The following LAMA2 variants were observed in gnomAD, a reference collection of about 807,000 sequenced individuals.
LAMA2 encodes laminin subunit alpha 2.
Under a neutral mutation model 364.8 loss-of-function variants are expected in LAMA2, and 269 were observed. The ratio of observed to expected loss-of-function variants is 0.74; its 90% CI spans 0.67 to 0.82. The LOEUF is 0.82. LAMA2 is among the 40% of genes least tolerant of loss of function. The pLI, the probability that LAMA2 is intolerant of heterozygous loss-of-function variation, is 0.00. For synonymous variants in LAMA2, 1,379 were observed against 1,370.6 expected (o/e 1.01, Z -0.14); for missense variants, 3,807 against 3,873.2 (o/e 0.98, Z 0.45).
chr6:129,357,811 C>A (rs777223549), intron 32 of LAMA2, among the ~76,000 whole-genome samples: 8 of 152,000 alleles, frequency 5.3e-5, no homozygotes, highest in East Asian at 3.9e-4. Context: ...CATTTATAAT[C>A]AAAAATGATT....
At chr6:129,215,080 A>G (rs1297494581) in intron 12 of LAMA2, among the ~76,000 whole-genome samples, 2 of 152,172 alleles carry the variant, frequency 1.3e-5, no homozygotes, top group Admixed American at 6.5e-5. Flanking sequence ...TTTCTTTGCT[A>G]ATATATAGGA....
At chr6:129,234,365 AGTT>A (rs1056507219) in intron 12 of LAMA2, among the ~76,000 whole-genome samples, 9 of 152,178 alleles carry the variant, frequency 5.9e-5, no homozygotes, top group Non-Finnish European at 2.9e-5. Flanking sequence ...CTTCCAATCT[AGTT>A]GTTGTTATAT....
chr6:129,490,359 C>T (rs371258980), intron 56 of LAMA2, among the ~76,000 whole-genome samples: 186 of 152,258 alleles, frequency 1.2e-3, no homozygotes, highest in African/African-American at 4.2e-3. Flanking sequence ...TATGTTCCTC[C>T]TGAAAGCCCA....
intron 32 of LAMA2, among the ~76,000 whole-genome samples, chr6:129,364,035 C>T (rs1777620379): frequency 2.0e-5 from 3 of 152,272 alleles, no homozygotes; most frequent in South Asian, 4.1e-4. Flanking sequence ...CCTCCAAAGC[C>T]TCTTTGTTCA....
At chr6:129,453,888 C>G (rs769204860) in intron 46 of LAMA2, among the ~76,000 whole-genome samples, 1 of 148,726 alleles carries the variant, frequency 6.7e-6, no homozygotes, top group Non-Finnish European at 1.5e-5. Context: ...GCTTTGGTCT[C>G]AAAATTAGAC....
intron 3 of LAMA2, among the ~76,000 whole-genome samples, chr6:129,084,117 T>C (rs1237548136): frequency 6.6e-6 from 1 of 152,204 alleles, no homozygotes; most frequent in Admixed American, 6.5e-5. Flanking sequence ...CTGTGGTCTT[T>C]AAAATATATA....
chr6:129,497,819 G>T (rs1041720183), intron 58 of LAMA2, among the ~76,000 whole-genome samples: 1 of 152,190 alleles, frequency 6.6e-6, no homozygotes, highest in African/African-American at 2.4e-5. Flanking sequence ...ATTAATTCAT[G>T]TTGAACACGC....
In LAMA2 at chr6:129,440,822, C is replaced by T; in HGVS notation, c.6092C>T (p.Ala2031Val). ...TACCCTCATCTGCTGACAGATACAG[C>T]TGCTAAACTGCAAGCTGTTAAGGAC... ...GKLSAIPNDT[A>V]AKLQAVKDKA... The change falls in exon 43 of 65, where the codon GCT becomes GTT. Residue 2031 changes from alanine to valine, a missense_variant. Ala to Val is a moderately conservative substitution (Grantham distance 64, BLOSUM62 0). Around this residue, in one of 3 missense-constraint regions of LAMA2, gnomAD observed 3,333 missense variants for 3,345.7 expected, o/e 1.00. Transcript: ENST00000421865. The T allele has an allele frequency of 1.2e-6, 2 of 1,613,766 alleles. No individual in the cohort carries two copies. Among genetic ancestry groups the T allele is most frequent in the Non-Finnish European group, 1.7e-6 (2 of 1,179,772 alleles).
intron 35 of LAMA2, among the ~76,000 whole-genome samples, chr6:129,383,455 G>A (rs941460686): frequency 3.9e-5 from 6 of 152,118 alleles, no homozygotes; most frequent in African/African-American, 1.2e-4. Context: ...GACAATGAGG[G>A]CAGAATAGCA....
At chr6:129,328,146 C>A (rs192063370) in intron 28 of LAMA2, 132 bp from the exon 29 acceptor site, 7 of 795,902 alleles carry the variant, frequency 8.8e-6, no homozygotes, top group Non-Finnish European at 1.3e-5. Context: ...TCGGCACTTG[C>A]GTTTGTAAGT....
chr6:129,256,763 C>CATAT (rs199726173), intron 14 of LAMA2, among the ~76,000 whole-genome samples: 9,629 of 87,120 alleles, frequency 0.11, 1,000 homozygotes, highest in Non-Finnish European at 0.14. Flanking sequence ...AATTATATAG[C>CATAT]ATATATATAT....
chr6:129,033,392 A>G (rs1202983471), intron 1 of LAMA2, among the ~76,000 whole-genome samples: 2 of 152,150 alleles, frequency 1.3e-5, no homozygotes, highest in Admixed American at 6.5e-5. Flanking sequence ...CCCATGGGGA[A>G]CAGCATCTTT....
rs186036346 is a variant in LAMA2, at chr6:129,393,375, T to C, written c.5445+120T>C. ...TTACAAAAGTCAAGAGTGACAACTCTGAAAGGGGGCTTCTAAGAAACAGAA... is the reference window on the plus strand; with the variant it reads ...TTACAAAAGTCAAGAGTGACAACTCCGAAAGGGGGCTTCTAAGAAACAGAA... On this transcript the variant is annotated intron_variant, in intron 37 of 64. Transcript: ENST00000421865. 890 of 773,872 alleles carry C rather than the reference T, an allele frequency of 1.2e-3. 1 individual carries two copies. Among genetic ancestry groups the C allele is most frequent in the Non-Finnish European group, 1.6e-3 (707 of 451,722 alleles). 47.9% of individuals were successfully genotyped at this position (773,872 alleles called of 1,614,324 possible). A position where few individuals can be genotyped will look rare whatever the true frequency, so the allele number is the denominator to read the frequency against.
At chr6:128,917,055 T>G (rs1191721797) in intron 1 of LAMA2, among the ~76,000 whole-genome samples, 1 of 152,144 alleles carries the variant, frequency 6.6e-6, no homozygotes, top group African/African-American at 2.4e-5. Context: ...CTGATTCTTT[T>G]CATTTTTTTC....
rs187927026 is a variant in LAMA2 at position 129,092,714 on chromosome 6, C to G, written c.397-5459C>G. ...ACATTGAGCAGAAATTAGACACATG[C>G]TGTTCTCTTGAGAGATTAAGAAAGA... On this transcript the variant is annotated intron_variant, in intron 3 of 64. Coordinates refer to ENST00000421865, the MANE Select transcript of LAMA2 (RefSeq NM_000426.4). Among the ~76,000 whole-genome samples the G allele has an allele frequency of 1.9e-3, 295 of 152,324 alleles. 2 individuals carry two copies. The highest frequency in any genetic ancestry group is 6.7e-3 in the African/African-American group (279 of 41,572).
Position 129,291,709 on chromosome 6 carries a change from G to C in LAMA2, c.2845G>C (p.Asp949His). The change falls in exon 20 of 65, where the codon GAC becomes CAC. Residue 949 changes from aspartate (D) to histidine (H), a missense_variant. Physicochemically the swap from Asp to His is moderately conservative, Grantham distance 81. Transcript: ENST00000421865. The part of the protein sequence containing the change: ...CRANVQGQRC[D>H]KCKAGTFGLQ... ...AGCCAACGTTCAGGGTCAGAGATGTGACAAATGCAAGGTAAGGAGTAGAGG... is the reference window on the plus strand; with the variant it reads ...AGCCAACGTTCAGGGTCAGAGATGTCACAAATGCAAGGTAAGGAGTAGAGG... 2.5e-6 allele frequency: 4 copies of C among 1,611,808 alleles called. No individual in the cohort carries two copies. The highest frequency in any genetic ancestry group is 3.4e-6 in the Non-Finnish European group (4 of 1,177,916).
intron 38 of LAMA2, among the ~76,000 whole-genome samples, chr6:129,401,767 G>A (rs1317797417): frequency 2.6e-5 from 4 of 152,184 alleles, no homozygotes; most frequent in African/African-American, 9.7e-5. Flanking sequence ...CTAATGACAT[G>A]TATACCTATG....
intron 4 of LAMA2, among the ~76,000 whole-genome samples, chr6:129,119,532 T>A (rs977436447): frequency 1.1e-4 from 17 of 151,522 alleles, no homozygotes; most frequent in South Asian, 2.1e-4. Context: ...TTTTATTTTT[T>A]ATTAATTAAT....
chr6:128,957,891 A>G (rs1781253287), intron 1 of LAMA2, among the ~76,000 whole-genome samples: 1 of 117,748 alleles, frequency 8.5e-6, no homozygotes, highest in African/African-American at 3.1e-5. Flanking sequence ...TCCTGAAATG[A>G]ATTTCTCACT....
Sources: gnomAD v4.1 joint callset for allele counts (sites outside exome capture counted in the v4.1 genomes callset) on GRCh38, gnomAD v4.1.1 for gene constraint, gnomAD v4.1.1 regional missense constraint, MANE v1.5 for transcripts, NCBI Gene and HGNC (gene_info 2026-07-23, HGNC 2026-07-21) for gene names.